The following ST8SIA1 variants were observed in gnomAD, a reference collection of about 807,000 sequenced individuals.
ST8SIA1 encodes the protein alpha-N-acetylneuraminide alpha-2,8-sialyltransferase.
A neutral mutation model predicts 35.9 loss-of-function variants in ST8SIA1; 16 were observed. The ratio of observed to expected loss-of-function variants is 0.45; its 90% confidence interval spans 0.30 to 0.68. The LOEUF (loss-of-function observed/expected upper bound fraction) is 0.68, where lower values mean the gene tolerates loss of function less well. Among genes scored for constraint, ST8SIA1 ranks in the 30% least tolerant of loss-of-function variants. ST8SIA1 has a pLI of 0.09. For synonymous variants in ST8SIA1, 170 were observed against 169.6 expected (o/e 1.00, Z -0.02); for missense variants, 383 against 453.6 (o/e 0.84, Z 1.41).
intron 1 of ST8SIA1, among the ~76,000 whole-genome samples, chr12:22,308,730 C>A (rs541002818): frequency 3.3e-5 from 5 of 152,150 alleles, no homozygotes; most frequent in African/African-American, 1.2e-4. Flanking sequence ...AATGGCCGTT[C>A]CTCATTACTC....
intron 1 of ST8SIA1, among the ~76,000 whole-genome samples, chr12:22,314,107 C>A (rs1028897559): frequency 5.9e-5 from 9 of 152,066 alleles, no homozygotes; most frequent in Non-Finnish European, 1.2e-4. Flanking sequence ...CATCCAGACT[C>A]CTGCTAGCTT....
intron 2 of ST8SIA1, among the ~76,000 whole-genome samples, chr12:22,281,819 CAAA>C (rs11423875): frequency 1.9e-5 from 2 of 102,988 alleles, no homozygotes; most frequent in Non-Finnish European, 4.0e-5. Flanking sequence ...CTTGTCTCTA[CAAA>C]AAAAAAAAAA....
At chr12:22,297,951 G>A (rs1240626891) in intron 1 of ST8SIA1, among the ~76,000 whole-genome samples, 1 of 152,068 alleles carries the variant, frequency 6.6e-6, no homozygotes, top group Non-Finnish European at 1.5e-5. Context: ...CCCAAACTGT[G>A]GGGAGGAAAG....
chr12:22,334,173 C>T lies in ST8SIA1; in HGVS notation c.60G>A (p.Ala20=), dbSNP rs1351103507. 6.2e-7 allele frequency: 1 copy of T among 1,614,086 alleles called. No homozygotes were observed. The highest frequency in any genetic ancestry group is 8.5e-7 in the Non-Finnish European group (1 of 1,180,010). ...QTSRGAMAVL[A]WKFPRTRLPM... ...GCAGCCGGGTCCGCGGGAACTTCCA[C>T]GCCAGTACAGCCATGGCCCCTCTGG... Residue 20 remains alanine (A), a synonymous_variant, in exon 1 of 5, where the codon GCG becomes GCA. Transcript: ENST00000396037.
At chr12:22,288,879 T>A (rs537721586) in intron 1 of ST8SIA1, among the ~76,000 whole-genome samples, 1 of 152,156 alleles carries the variant, frequency 6.6e-6, no homozygotes, top group Non-Finnish European at 1.5e-5. Flanking sequence ...GGTAAAGGTT[T>A]TCTTTGTTGT....
intron 1 of ST8SIA1, among the ~76,000 whole-genome samples, chr12:22,315,749 C>T (rs985714937): frequency 2.7e-5 from 4 of 145,476 alleles, no homozygotes; most frequent in Non-Finnish European, 6.0e-5. Flanking sequence ...AATAAATTCA[C>T]ATTCACAAAC....
chr12:22,248,058 A>G (rs1865625345), intron 4 of ST8SIA1, among the ~76,000 whole-genome samples: 1 of 152,202 alleles, frequency 6.6e-6, no homozygotes, highest in Non-Finnish European at 1.5e-5. Flanking sequence ...TTGAAGATAA[A>G]TGGTACATTT....
intron 4 of ST8SIA1, among the ~76,000 whole-genome samples, chr12:22,212,362 G>A (rs1865185078): frequency 6.6e-6 from 1 of 151,972 alleles, no homozygotes; most frequent in African/African-American, 2.4e-5. Context: ...CCATGTTCAT[G>A]GCTGCTTACT....
intron 4 of ST8SIA1, among the ~76,000 whole-genome samples, chr12:22,248,324 C>CT (rs60325577): frequency 0.38 from 58,098 of 151,796 alleles, 11,911 homozygotes; most frequent in Middle Eastern, 0.61. Context: ...AGACGGACTC[C>CT]TTCTCTACAA....
chr12:22,258,918 C>T (rs1865755880), intron 2 of ST8SIA1, among the ~76,000 whole-genome samples: 1 of 152,132 alleles, frequency 6.6e-6, no homozygotes, highest in South Asian at 2.1e-4. Context: ...AACTGTGGAA[C>T]TATGGAATTG....
intron 1 of ST8SIA1, among the ~76,000 whole-genome samples, chr12:22,306,580 C>A (rs1285507158): frequency 6.6e-6 from 1 of 152,146 alleles, no homozygotes; most frequent in Non-Finnish European, 1.5e-5. Flanking sequence ...AGTAATCTGA[C>A]ATCATTCTTA....
At chr12:22,211,739 G>A (rs1020653643) in intron 4 of ST8SIA1, among the ~76,000 whole-genome samples, 2 of 151,950 alleles carry the variant, frequency 1.3e-5, no homozygotes, top group Admixed American at 6.6e-5. Context: ...ATGGCGTCTC[G>A]CTCACTCTGT....
rs556196567 is a variant in ST8SIA1 at position 22,292,954 on chromosome 12, A to G, written c.237-5661T>C. Reference sequence around the variant, plus strand: ...AATAAATAACAAATAGGAAGAAAAAAGACAGTGTTAGAGAAAGCAGAGAAT... The same window carrying G: ...AATAAATAACAAATAGGAAGAAAAAGGACAGTGTTAGAGAAAGCAGAGAAT... On this transcript the variant is annotated intron_variant, in intron 1 of 4. Coordinates refer to ENST00000396037, the MANE Select transcript of ST8SIA1 (RefSeq NM_003034.4). 3.9e-5 allele frequency among the ~76,000 whole-genome samples: 6 copies of G among 152,378 alleles called. No homozygotes were observed. The East Asian group carries it at 9.6e-4, about 24-fold the overall frequency.
chr12:22,332,738 G>A (rs1202141267), intron 1 of ST8SIA1, among the ~76,000 whole-genome samples: 1 of 152,158 alleles, frequency 6.6e-6, no homozygotes, highest in African/African-American at 2.4e-5. Context: ...CTCTTTCCAG[G>A]AGGAGGCCTG....
At chr12:22,257,263 G>A (rs1417977489) in intron 2 of ST8SIA1, among the ~76,000 whole-genome samples, 1 of 152,082 alleles carries the variant, frequency 6.6e-6, no homozygotes, top group Admixed American at 6.5e-5. Context: ...CCAGGCTGGA[G>A]TACAGTGGCA....
rs185301703 is a variant in ST8SIA1, at chr12:22,233,183, T to C, written c.584+15823A>G. Among the ~76,000 whole-genome samples, 1,032 of 152,284 alleles carry C rather than the reference T, an allele frequency of 6.8e-3. 2 individuals are homozygous for C. The highest frequency in any genetic ancestry group is 0.027 in the Middle Eastern group (8 of 294). ...GACCAGATTAGAATGCAGGGGTAAG[T>C]AGACGTACAGGTCATACACAAAAGA... On this transcript the variant is annotated intron_variant, in intron 4 of 4. Transcript: ENST00000396037.
intron 1 of ST8SIA1, among the ~76,000 whole-genome samples, chr12:22,326,774 A>G: frequency 6.6e-6 from 1 of 152,222 alleles, no homozygotes; most frequent in East Asian, 1.9e-4. Flanking sequence ...ACAAAGGTAC[A>G]GAGAGGTTAA....
chr12:22,285,480 A>G (rs1216901617), intron 2 of ST8SIA1, among the ~76,000 whole-genome samples: 1 of 152,214 alleles, frequency 6.6e-6, no homozygotes, highest in Non-Finnish European at 1.5e-5. Flanking sequence ...ACCCTCACCA[A>G]TACAATTCTG....
intron 4 of ST8SIA1, among the ~76,000 whole-genome samples, chr12:22,209,053 A>C (rs372192969): frequency 5.3e-5 from 8 of 152,302 alleles, no homozygotes; most frequent in African/African-American, 1.9e-4. Context: ...CACAAAAGAC[A>C]ATGTAAACAT....
Sources: gnomAD v4.1 joint callset for allele counts (sites outside exome capture counted in the v4.1 genomes callset) on GRCh38, gnomAD v4.1.1 for gene constraint, MANE v1.5 for transcripts, NCBI Gene and HGNC (gene_info 2026-07-23, HGNC 2026-07-21) for gene names.